Variants in WFDC11 observed in about 807,000 individuals in gnomAD.
WFDC11 encodes the protein protein WFDC11.
Under a neutral mutation model 9.9 loss-of-function variants are expected in WFDC11, and 9 were observed. That is an observed-to-expected ratio of 0.91 (90% CI 0.55 to 1.58). The LOEUF is 1.58. Among genes scored for constraint, WFDC11 ranks in the 40% most tolerant of loss-of-function variants. The pLI is 0.00. For synonymous variants in WFDC11, 32 were observed against 33.3 expected, an observed-to-expected ratio of 0.96 and a Z score of 0.13; for missense variants, 106 against 101.7, an observed-to-expected ratio of 1.04 and a Z score of -0.18.
intron 1 of WFDC11, among the ~76,000 whole-genome samples, chr20:45,668,112 A>G (rs762807193): frequency 1.2e-4 from 19 of 152,204 alleles, no homozygotes; most frequent in Admixed American, 3.3e-4. Flanking sequence ...GGTATGCCAG[A>G]TGGTGAAGCC....
chr20:45,653,813 A>G (rs1479070639), intron 2 of WFDC11, among the ~76,000 whole-genome samples: 1 of 152,208 alleles, frequency 6.6e-6, no homozygotes, highest in Non-Finnish European at 1.5e-5. Context: ...TTAAACCAAC[A>G]AAGATCAAAA....
chr20:45,653,265 G>A (rs1015332099), intron 2 of WFDC11, among the ~76,000 whole-genome samples: 22 of 152,054 alleles, frequency 1.4e-4, no homozygotes, highest in Non-Finnish European at 2.8e-4. Context: ...GAGAGTGGGG[G>A]CCAATATTCA....
intron 2 of WFDC11, among the ~76,000 whole-genome samples, chr20:45,662,913 A>G (rs901719509): frequency 4.6e-5 from 7 of 152,228 alleles, no homozygotes; most frequent in African/African-American, 7.2e-5. Context: ...AGCCTTTGGT[A>G]TCAGGATGAT....
chr20:45,657,549 G>A (rs938282048), intron 2 of WFDC11, among the ~76,000 whole-genome samples: 5 of 152,076 alleles, frequency 3.3e-5, no homozygotes, highest in African/African-American at 1.2e-4. Context: ...TAACCTGCAC[G>A]TTGTGCACAT....
intron 2 of WFDC11, among the ~76,000 whole-genome samples, chr20:45,653,360 T>G (rs1982852538): frequency 6.6e-6 from 1 of 151,922 alleles, no homozygotes; most frequent in African/African-American, 2.4e-5. Context: ...ATAAAATACT[T>G]TATAGACAAG....
At chr20:45,659,193 A>C (rs941134583) in intron 2 of WFDC11, among the ~76,000 whole-genome samples, 4 of 152,352 alleles carry the variant, frequency 2.6e-5, no homozygotes, top group Admixed American at 2.6e-4. Flanking sequence ...GTGTCTTTAT[A>C]GCAGCATGAT....
chr20:45,650,705 G>A (rs1982788464), intron 2 of WFDC11, 54 bp from the exon 3 acceptor site: 1 of 953,810 alleles, frequency 1.0e-6, no homozygotes. Context: ...AAGAGAAAGT[G>A]CTTGTCGAAT....
intron 2 of WFDC11, among the ~76,000 whole-genome samples, chr20:45,652,869 A>G (rs1268771215): frequency 6.6e-6 from 1 of 152,220 alleles, no homozygotes; most frequent in Non-Finnish European, 1.5e-5. Context: ...AAGCGAGAAG[A>G]GAAGTTTAGA....
chr20:45,652,408 A>G (rs1346653482), intron 2 of WFDC11, among the ~76,000 whole-genome samples: 1 of 152,224 alleles, frequency 6.6e-6, no homozygotes, highest in Non-Finnish European at 1.5e-5. Flanking sequence ...AACAGAAAGG[A>G]CATCCACACC....
At chr20:45,653,169 A>C (rs151139341) in intron 2 of WFDC11, among the ~76,000 whole-genome samples, 12 of 152,194 alleles carry the variant, frequency 7.9e-5, no homozygotes, top group Non-Finnish European at 1.8e-4. Flanking sequence ...TGTTAAGGGC[A>C]GCAAGAGAGA....
At chr20:45,650,001 TC>T (rs912800144) in intron 3 of WFDC11, among the ~76,000 whole-genome samples, 11 of 152,088 alleles carry the variant, frequency 7.2e-5, no homozygotes, top group Non-Finnish European at 1.5e-4. Flanking sequence ...CAAGCCTCTT[TC>T]CTAACTTTTC....
chr20:45,649,539 G>T, intron 3 of WFDC11, 140 bp from the exon 4 acceptor site: 1 of 1,061,200 alleles, frequency 9.4e-7, no homozygotes, highest in Non-Finnish European at 1.4e-6. Context: ...CCTTTTAAGG[G>T]AATTGCCTTC....
chr20:45,659,236 G>C (rs916531239), intron 2 of WFDC11, among the ~76,000 whole-genome samples: 2 of 152,196 alleles, frequency 1.3e-5, no homozygotes, highest in Admixed American at 1.3e-4. Context: ...CCAGTAATGG[G>C]ATTGCTGGGA....
intron 2 of WFDC11, among the ~76,000 whole-genome samples, chr20:45,666,293 G>C (rs79607696): frequency 0.015 from 2,209 of 152,320 alleles, 47 homozygotes; most frequent in African/African-American, 0.049. Context: ...ACAGTATTTG[G>C]GTGGGAGTGT....
chr20:45,655,098 C>T (rs766967389), intron 2 of WFDC11, among the ~76,000 whole-genome samples: 13 of 152,148 alleles, frequency 8.5e-5, no homozygotes, highest in Non-Finnish European at 1.6e-4. Flanking sequence ...CAGCATCATC[C>T]TGATACCAAA....
chr20:45,651,384 T>C (rs1196132306), intron 2 of WFDC11, among the ~76,000 whole-genome samples: 1 of 152,108 alleles, frequency 6.6e-6, no homozygotes, highest in African/African-American at 2.4e-5. Flanking sequence ...GGGTTTTTTT[T>C]GTTTTGTTTG....
intron 1 of WFDC11, among the ~76,000 whole-genome samples, chr20:45,668,155 C>T (rs1313545429): frequency 6.6e-6 from 1 of 152,172 alleles, no homozygotes; most frequent in Non-Finnish European, 1.5e-5. Context: ...AGCCACGATA[C>T]ATCTTGGGCT....
At chr20:45,670,078 C>A (rs1003549070) in intron 1 of WFDC11, 100 bp downstream of exon 1, 10 of 151,962 alleles carry the variant, frequency 6.6e-5, no homozygotes, top group African/African-American at 2.4e-4. Context: ...AAATTGATAA[C>A]CTCTTGGAAT....
intron 2 of WFDC11, among the ~76,000 whole-genome samples, chr20:45,655,764 TC>T (rs1982916397): frequency 6.6e-6 from 1 of 152,112 alleles, no homozygotes; most frequent in Non-Finnish European, 1.5e-5. Context: ...TATTCAAAAA[TC>T]ACAAGCATTC....
Sources: allele counts gnomAD v4.1 joint callset (sites outside exome capture counted in the v4.1 genomes callset), GRCh38; gene constraint gnomAD v4.1.1; transcripts MANE v1.5; gene names NCBI Gene and HGNC (gene_info 2026-07-23, HGNC 2026-07-21).